The following CDC42BPA variants were observed in gnomAD, a reference collection of about 807,000 sequenced individuals.
The protein encoded by CDC42BPA is CDC42 binding protein kinase alpha, also known as serine/threonine-protein kinase MRCK alpha.
A neutral mutation model predicts 223.5 loss-of-function variants in CDC42BPA; 80 were observed. The ratio of observed to expected loss-of-function variants is 0.36; its 90% CI spans 0.30 to 0.43. The LOEUF is 0.43. Ranked by LOEUF, CDC42BPA falls within the 20% of genes least tolerant of loss-of-function variation. CDC42BPA has a pLI of 1.00. For missense variants in CDC42BPA, 1,743 were observed against 2,099.9 expected (o/e 0.83, Z 3.32); for synonymous variants, 694 against 718.6 (o/e 0.97, Z 0.55).
chr1:227,066,517 T>C (rs1212564040), intron 21 of CDC42BPA, among the ~76,000 whole-genome samples: 4 of 152,234 alleles, frequency 2.6e-5, no homozygotes, highest in African/African-American at 7.2e-5. Flanking sequence ...GATTGAATAC[T>C]GCTGTTCAAA....
At chr1:227,048,646 T>TAAA (rs1672939468) in intron 22 of CDC42BPA, among the ~76,000 whole-genome samples, 1 of 151,332 alleles carries the variant, frequency 6.6e-6, no homozygotes. Context: ...GGTCTTCTTT[T>TAAA]ATGGGGTTTT....
chr1:227,081,092 T>C (rs533300956), intron 16 of CDC42BPA, 75 bp from the exon 17 acceptor site: 492 of 1,475,928 alleles, frequency 3.3e-4, no homozygotes, highest in Admixed American at 4.0e-4. Flanking sequence ...ATTGTCAAAT[T>C]TGATTACTCA....
rs576400310 is a variant in CDC42BPA, at chr1:227,173,287, A to G, written c.600-12651T>C. ...CCAAATATCATAGGAAAGCTTGCCT[A>G]AAGACCACGGAATTATCTGTATAGT... On this transcript the variant is annotated intron_variant, in intron 5 of 36. Transcript: ENST00000366766. Among the ~76,000 whole-genome samples, 70 of 152,306 alleles carry G rather than the reference A, an allele frequency of 4.6e-4. 1 individual carries two copies. In the South Asian group the frequency reaches 0.014, roughly 30 times the overall value.
At chr1:227,301,725 C>G (rs1426342225) in intron 1 of CDC42BPA, among the ~76,000 whole-genome samples, 3 of 152,010 alleles carry the variant, frequency 2.0e-5, no homozygotes, top group African/African-American at 7.2e-5. Flanking sequence ...ATCAGTTATT[C>G]ATAAATACAC....
chr1:227,089,527 T>C (rs1682650463), intron 16 of CDC42BPA, among the ~76,000 whole-genome samples: 1 of 152,046 alleles, frequency 6.6e-6, no homozygotes, highest in Non-Finnish European at 1.5e-5. Context: ...TACTGCCCTG[T>C]AACCACTGGA....
chr1:227,062,340 G>A (rs909719054), intron 21 of CDC42BPA, among the ~76,000 whole-genome samples: 1 of 152,188 alleles, frequency 6.6e-6, no homozygotes, highest in African/African-American at 2.4e-5. Flanking sequence ...TGAAGACCCA[G>A]CTCAGGCATT....
At chr1:227,122,643 A>T (rs1688846386) in intron 11 of CDC42BPA, among the ~76,000 whole-genome samples, 1 of 152,234 alleles carries the variant, frequency 6.6e-6, no homozygotes, top group Non-Finnish European at 1.5e-5. Context: ...AAACAACAGT[A>T]TGTGAATTAT....
At chr1:227,270,488 A>G (rs1685778428) in intron 1 of CDC42BPA, among the ~76,000 whole-genome samples, 1 of 152,220 alleles carries the variant, frequency 6.6e-6, no homozygotes, top group African/African-American at 2.4e-5. Flanking sequence ...ATGAACTCAT[A>G]CTAGTTACTT....
chr1:226,994,318 T>A lies in CDC42BPA; in HGVS notation c.5215A>T (p.Thr1739Ser), dbSNP rs1370083095. Reference protein sequence around the residue: ...SPPSPASPRKTKSLSLESTDR... With the variant: ...SPPSPASPRKSKSLSLESTDR... ...GTGCTCTCCAGGGAGAGGCTCTTGG[T>A]TTTTCGGGGTGAAGCTGGGCTTGGG... The change falls in exon 37 of 37, where the codon ACC (threonine) becomes TCC (serine). Residue 1739 changes from threonine to serine, a missense_variant. Physicochemically the swap from Thr to Ser is moderately conservative, Grantham distance 58. Coordinates refer to ENST00000366766, the MANE Select transcript of CDC42BPA (RefSeq NM_001394014.1). This position sits in a 1 kb window ranked among gnomAD's most constrained non-coding sequence, Gnocchi z 4.0. The A allele has an allele frequency of 1.3e-6, 2 of 1,598,314 alleles. No homozygotes were observed. Among genetic ancestry groups the A allele is most frequent in the East Asian group, 4.5e-5 (2 of 44,458 alleles).
intron 34 of CDC42BPA, among the ~76,000 whole-genome samples, chr1:227,005,882 C>T (rs1426273267): frequency 6.6e-6 from 1 of 152,204 alleles, no homozygotes; most frequent in Admixed American, 6.5e-5. Flanking sequence ...ATCACACACG[C>T]CTAAAGGATA....
intron 16 of CDC42BPA, among the ~76,000 whole-genome samples, chr1:227,081,483 G>T (rs1362800423): frequency 1.4e-5 from 2 of 142,864 alleles, no homozygotes; most frequent in African/African-American, 5.2e-5. Context: ...ACAGAGTTTT[G>T]CACTTGTTGC....
intron 17 of CDC42BPA, among the ~76,000 whole-genome samples, chr1:227,077,768 T>C (rs546877492): frequency 6.4e-4 from 98 of 152,244 alleles, no homozygotes; most frequent in African/African-American, 2.3e-3. Context: ...CAAGGGTGGT[T>C]ACCCCTCTTA....
intron 1 of CDC42BPA, among the ~76,000 whole-genome samples, chr1:227,306,306 T>C (rs548095313): frequency 6.6e-6 from 1 of 152,146 alleles, no homozygotes; most frequent in African/African-American, 2.4e-5. Flanking sequence ...GTAACCCATT[T>C]GTACATGTTT....
intron 14 of CDC42BPA, among the ~76,000 whole-genome samples, chr1:227,111,548 G>T (rs1388771319): frequency 6.6e-6 from 1 of 152,136 alleles, no homozygotes; most frequent in Non-Finnish European, 1.5e-5. Context: ...GCAATAGTGC[G>T]ATCTAGGCTC....
At chr1:227,135,835 C>A (rs1658393526) in intron 10 of CDC42BPA, among the ~76,000 whole-genome samples, 1 of 102,784 alleles carries the variant, frequency 9.7e-6, no homozygotes, top group Non-Finnish European at 1.8e-5. Flanking sequence ...GCCTGGGCGA[C>A]AGAGCGAGAC....
In CDC42BPA at chr1:227,262,250, C is replaced by T. The variant is rs184371976; in HGVS notation, c.179-8095G>A. Among the ~76,000 whole-genome samples, 7 of 151,840 alleles carry T rather than the reference C, an allele frequency of 4.6e-5. No individual in the cohort carries two copies. The East Asian group carries it at 1.4e-3, about 29-fold the overall frequency. Reference sequence around the variant, plus strand: ...AGATTTGAAAATTAACCAAGTAAAACAAGAAATGAAAAATACTGCCACTGA... The same window carrying T: ...AGATTTGAAAATTAACCAAGTAAAATAAGAAATGAAAAATACTGCCACTGA... On this transcript the variant is annotated intron_variant, in intron 1 of 36. Coordinates refer to ENST00000366766, the MANE Select transcript of CDC42BPA (RefSeq NM_001394014.1).
chr1:227,018,889 C>T (rs1027495801), intron 32 of CDC42BPA, among the ~76,000 whole-genome samples: 67 of 152,286 alleles, frequency 4.4e-4, no homozygotes, highest in African/African-American at 1.5e-3. Context: ...TCATCTTCAC[C>T]TTCATGAGTC....
chr1:227,122,148 T>C (rs1688772210), intron 11 of CDC42BPA, among the ~76,000 whole-genome samples: 2 of 152,202 alleles, frequency 1.3e-5, no homozygotes, highest in African/African-American at 2.4e-5. Flanking sequence ...TTTTGTTATT[T>C]CTCATAATTA....
chr1:227,263,742 C>T (rs1380676877), intron 1 of CDC42BPA, among the ~76,000 whole-genome samples: 4 of 151,914 alleles, frequency 2.6e-5, no homozygotes, highest in Non-Finnish European at 4.4e-5. Context: ...CCACCATGCC[C>T]GGCTAATTTT....
Sources: gnomAD v4.1 joint callset for allele counts (sites outside exome capture counted in the v4.1 genomes callset) on GRCh38, gnomAD v4.1.1 for gene constraint, Gnocchi (gnomAD v3.1) non-coding constraint, MANE v1.5 for transcripts, NCBI Gene and HGNC (gene_info 2026-07-23, HGNC 2026-07-21) for gene names.